NHSL1: variants seen among roughly 807,000 people sequenced by gnomAD.
NHSL1 encodes the protein NHS like 1.
Under a neutral mutation model 95.0 loss-of-function variants are expected in NHSL1, and 48 were observed. The ratio of observed to expected loss-of-function variants is 0.51; its 90% CI spans 0.40 to 0.64. The LOEUF (loss-of-function observed/expected upper bound fraction) is 0.64. Among genes scored for constraint, NHSL1 ranks in the 30% least tolerant of loss-of-function variants. NHSL1 has a pLI of 0.00. For synonymous variants in NHSL1, 783 were observed against 833.9 expected (o/e 0.94, Z 1.05); for missense variants, 1,971 against 2,077.7 (o/e 0.95, Z 1.00).
At chr6:138,630,002 C>T (rs9495167) in intron 1 of NHSL1, among the ~76,000 whole-genome samples, 1,744 of 152,242 alleles carry the variant, frequency 0.011, 39 homozygotes, top group African/African-American at 0.04. Flanking sequence ...GGCTTGAGGC[C>T]AGAAGTTTGA....
chr6:138,640,963 T>C (rs1784952494), intron 1 of NHSL1, among the ~76,000 whole-genome samples: 1 of 152,212 alleles, frequency 6.6e-6, no homozygotes, highest in Admixed American at 6.5e-5. Context: ...AAAAATAATG[T>C]TTCCAAAATA....
rs1445501988 is a variant in NHSL1, at chr6:138,442,009, A to T, written c.638T>A (p.Val213Asp). The T allele has an allele frequency of 7.1e-6, 11 of 1,550,826 alleles. No individual in the cohort carries two copies. The East Asian group carries it at 2.2e-4, about 31-fold the overall frequency. The stretch of plus-strand genomic sequence containing the variant: ...TAGCTCCTTCTGTATGTTGTCAGGG[A>T]CTCCTGTAATAGTCTTTCTCCTTTT... ...KVKRRKTITG[V>D]PDNIQKELAS... Residue 213 changes from valine (V) to aspartate (D), a missense_variant, in exon 5 of 8, where the codon GTC becomes GAC. By Grantham distance (152) the Val-to-Asp change is radical (BLOSUM62 -3). Around this residue, in one of 3 missense-constraint regions of NHSL1, gnomAD observed 1,602 missense variants for 1,654.5 expected, o/e 0.97. Coordinates refer to ENST00000343505, the MANE Select transcript of NHSL1 (RefSeq NM_001144060.2).
chr6:138,444,724 A>C (rs1776752074), intron 4 of NHSL1, among the ~76,000 whole-genome samples: 1 of 152,130 alleles, frequency 6.6e-6, no homozygotes, highest in Admixed American at 6.6e-5. Flanking sequence ...AGAAATACAT[A>C]ATTTAAAGAG....
exon 1 of NHSL1, chr6:138,571,862 C>A: frequency 6.4e-7 from 1 of 1,551,714 alleles, no homozygotes; most frequent in South Asian, 1.2e-5. Context: ...TGAGAGAGAA[C>A]CTGTATTCGG....
chr6:138,669,691 G>C (rs1157417560), intron 1 of NHSL1, among the ~76,000 whole-genome samples: 2 of 152,216 alleles, frequency 1.3e-5, no homozygotes, highest in African/African-American at 2.4e-5. Context: ...TAAGTAAAAA[G>C]ATGCATTCTG....
chr6:138,573,504 A>G (rs186340539), upstream of NHSL1, among the ~76,000 whole-genome samples: 15 of 152,332 alleles, frequency 9.8e-5, no homozygotes, highest in East Asian at 1.3e-3. Flanking sequence ...TGCATCATAC[A>G]TCTACTCCAA....
At chr6:138,685,747 T>C (rs1288976848) in intron 1 of NHSL1, among the ~76,000 whole-genome samples, 1 of 151,470 alleles carries the variant, frequency 6.6e-6, no homozygotes, top group Admixed American at 6.6e-5. Flanking sequence ...AAGAGTTTAT[T>C]TCAGACACAA....
intron 1 of NHSL1, among the ~76,000 whole-genome samples, chr6:138,517,528 A>C (rs201068477): frequency 1.3e-5 from 2 of 152,244 alleles, no homozygotes; most frequent in East Asian, 3.8e-4. Context: ...AAAGAACATC[A>C]GATTACTGAA....
At chr6:138,599,637 C>T (rs1393329822) in intron 1 of NHSL1, among the ~76,000 whole-genome samples, 1 of 152,118 alleles carries the variant, frequency 6.6e-6, no homozygotes, top group African/African-American at 2.4e-5. Flanking sequence ...AAGAAACTTC[C>T]AGTTTCTCAT....
At chr6:138,567,817 G>A (rs1783676432) in intron 1 of NHSL1, among the ~76,000 whole-genome samples, 4 of 152,144 alleles carry the variant, frequency 2.6e-5, no homozygotes, top group Admixed American at 2.6e-4. Flanking sequence ...TAGTCTGTAC[G>A]ATAAAGTCCA....
chr6:138,539,590 A>C (rs186330151), intron 1 of NHSL1, among the ~76,000 whole-genome samples: 13 of 152,320 alleles, frequency 8.5e-5, no homozygotes, highest in Non-Finnish European at 1.6e-4. Flanking sequence ...AGGGGGCCTA[A>C]AAAAGACAAA....
At chr6:138,643,567 G>A (rs1027595920) in intron 1 of NHSL1, among the ~76,000 whole-genome samples, 4 of 152,196 alleles carry the variant, frequency 2.6e-5, no homozygotes, top group African/African-American at 9.6e-5. Context: ...CATACTATAT[G>A]TGTTGCATAA....
At chr6:138,690,562 G>A (rs1476227014) in intron 1 of NHSL1, among the ~76,000 whole-genome samples, 1 of 152,074 alleles carries the variant, frequency 6.6e-6, no homozygotes, top group Non-Finnish European at 1.5e-5. Context: ...CAAACATGGC[G>A]AAACCCTGTC....
intron 1 of NHSL1, among the ~76,000 whole-genome samples, chr6:138,656,250 A>G (rs1477624619): frequency 6.6e-6 from 1 of 152,252 alleles, no homozygotes; most frequent in Non-Finnish European, 1.5e-5. Flanking sequence ...CTGAAAACTT[A>G]CGAGTTTCTT....
In NHSL1 at chr6:138,424,257, C is replaced by T; in HGVS notation, c.4645G>A (p.Gly1549Arg). The T allele has an allele frequency of 6.7e-7, 1 of 1,502,636 alleles. No homozygotes were observed. The highest frequency in any genetic ancestry group is 8.9e-7 in the Non-Finnish European group (1 of 1,123,978). The allele number at this position is 1,502,636 out of a possible 1,614,324, so 93.1% of individuals were successfully genotyped here. The change falls in exon 8 of 8, where the codon GGA becomes AGA. Residue 1549 changes from glycine (G) to arginine (R), a missense_variant. By Grantham distance (125) the Gly-to-Arg change is moderately radical (BLOSUM62 -2). Around this residue, in one of 3 missense-constraint regions of NHSL1, gnomAD observed 223 missense variants for 217.0 expected, o/e 1.03. Transcript: ENST00000343505. The surrounding 1 kb of genome is among the most constrained non-coding windows in gnomAD (Gnocchi z 5.9). ...IARGALGAAE[G>R]CSLDGLAREE... ...CTCGCCAGTCCGTCCAGGGAACATCCCTCCGCAGCGCCCAGAGCCCCGCGG... is the reference window on the plus strand; with the variant it reads ...CTCGCCAGTCCGTCCAGGGAACATCTCTCCGCAGCGCCCAGAGCCCCGCGG...
At chr6:138,446,882 T>G in intron 4 of NHSL1, 119 bp downstream of exon 4, 1 of 854,306 alleles carries the variant, frequency 1.2e-6, no homozygotes, top group Non-Finnish European at 1.9e-6. Context: ...ACAAAGAGCA[T>G]GAAGTTGGAC....
intron 1 of NHSL1, among the ~76,000 whole-genome samples, chr6:138,566,090 T>C (rs1783604263): frequency 1.3e-5 from 2 of 152,278 alleles, no homozygotes; most frequent in East Asian, 1.9e-4. Context: ...TGCAGGATCT[T>C]TTAAAATTAT....
intron 4 of NHSL1, among the ~76,000 whole-genome samples, chr6:138,444,163 C>T (rs1776710817): frequency 6.6e-6 from 1 of 151,998 alleles, no homozygotes; most frequent in South Asian, 2.1e-4. Flanking sequence ...TGGCATTCAT[C>T]AGTCATGGTT....
chr6:138,454,852 C>T (rs12527795), intron 3 of NHSL1, among the ~76,000 whole-genome samples: 20,232 of 152,278 alleles, frequency 0.13, 1,365 homozygotes, highest in Middle Eastern at 0.17. Context: ...TATTCACATA[C>T]AGCACTGAGC....
Sources: gnomAD v4.1 joint callset for allele counts (sites outside exome capture counted in the v4.1 genomes callset) on GRCh38, gnomAD v4.1.1 for gene constraint, gnomAD v4.1.1 regional missense constraint, Gnocchi (gnomAD v3.1) non-coding constraint, MANE v1.5 for transcripts, NCBI Gene and HGNC (gene_info 2026-07-23, HGNC 2026-07-21) for gene names.